CNTNAP5: variants seen among roughly 807,000 people sequenced by gnomAD.
CNTNAP5 encodes contactin associated protein family member 5.
A neutral mutation model predicts 150.2 loss-of-function variants in CNTNAP5; 72 were observed. The ratio of observed to expected loss-of-function variants is 0.48; its 90% CI spans 0.40 to 0.58. The LOEUF (loss-of-function observed/expected upper bound fraction) is 0.58. CNTNAP5 is among the 20% of genes least tolerant of loss of function. The pLI, the probability that CNTNAP5 is intolerant of heterozygous loss-of-function variation, is 0.00. For synonymous variants in CNTNAP5, 672 were observed against 619.8 expected (o/e 1.08, Z -1.25); for missense variants, 1,636 against 1,626.2 (o/e 1.01, Z -0.10).
intron 3 of CNTNAP5, among the ~76,000 whole-genome samples, chr2:124,410,893 A>G (rs1423677834): frequency 4.0e-5 from 6 of 151,784 alleles, no homozygotes; most frequent in African/African-American, 7.3e-5. Flanking sequence ...GCAGAACTGA[A>G]GGAAATAGAG....
intron 1 of CNTNAP5, among the ~76,000 whole-genome samples, chr2:124,203,375 A>T (rs939374200): frequency 6.6e-6 from 1 of 151,980 alleles, no homozygotes; most frequent in Non-Finnish European, 1.5e-5. Context: ...AGTGTTTGTG[A>T]CTTTTCTGGG....
At chr2:124,467,930 T>C (rs1406337176) in intron 6 of CNTNAP5, among the ~76,000 whole-genome samples, 1 of 152,168 alleles carries the variant, frequency 6.6e-6, no homozygotes, top group Non-Finnish European at 1.5e-5. Context: ...TAAAAAGTAG[T>C]ACATTATTGG....
chr2:124,387,430 C>T (rs1046735735), intron 3 of CNTNAP5, among the ~76,000 whole-genome samples: 1 of 152,188 alleles, frequency 6.6e-6, no homozygotes, highest in African/African-American at 2.4e-5. Flanking sequence ...TTTATTTCAC[C>T]TGGGTGTAGG....
chr2:124,091,248 G>A (rs1488748573), intron 1 of CNTNAP5, among the ~76,000 whole-genome samples: 3 of 152,142 alleles, frequency 2.0e-5, no homozygotes, highest in East Asian at 3.9e-4. Flanking sequence ...ATAAAAGTGT[G>A]GTTTCAGTAA....
chr2:124,255,310 G>T (rs959051540), intron 3 of CNTNAP5, among the ~76,000 whole-genome samples: 4 of 152,000 alleles, frequency 2.6e-5, no homozygotes, highest in Non-Finnish European at 4.4e-5. Flanking sequence ...GGATCACAAG[G>T]TCAGGAAATC....
chr2:124,500,329 C>T (rs562412114), intron 7 of CNTNAP5, among the ~76,000 whole-genome samples: 20 of 152,120 alleles, frequency 1.3e-4, no homozygotes, highest in Middle Eastern at 3.4e-3. Flanking sequence ...GAGAAGATAA[C>T]GGGGGCTACT....
intron 19 of CNTNAP5, among the ~76,000 whole-genome samples, chr2:124,857,702 C>T (rs889124676): frequency 2.0e-5 from 3 of 151,832 alleles, no homozygotes; most frequent in Non-Finnish European, 2.9e-5. Context: ...TAGCTGGGCA[C>T]GGTGGCAAGC....
intron 19 of CNTNAP5, among the ~76,000 whole-genome samples, chr2:124,827,273 C>T (rs569270744): frequency 2.0e-5 from 3 of 152,196 alleles, no homozygotes; most frequent in South Asian, 4.2e-4. Context: ...AGCAAGCTTC[C>T]CCACCACATC....
intron 3 of CNTNAP5, among the ~76,000 whole-genome samples, chr2:124,368,029 A>G (rs1163165810): frequency 6.6e-6 from 1 of 152,196 alleles, no homozygotes; most frequent in Non-Finnish European, 1.5e-5. Context: ...TAATTCAGTT[A>G]TATGGAACTA....
intron 21 of CNTNAP5, among the ~76,000 whole-genome samples, chr2:124,873,833 A>G (rs1677799927): frequency 6.6e-6 from 1 of 152,202 alleles, no homozygotes; most frequent in East Asian, 1.9e-4. Flanking sequence ...ATATGAAAAG[A>G]AAACATACGT....
chr2:124,498,640 G>T (rs1694205626), intron 7 of CNTNAP5, among the ~76,000 whole-genome samples: 1 of 152,058 alleles, frequency 6.6e-6, no homozygotes, highest in South Asian at 2.1e-4. Flanking sequence ...ATCATCTTTT[G>T]CTCACTTACT....
chr2:124,350,940 C>T (rs1242528696), intron 3 of CNTNAP5, among the ~76,000 whole-genome samples: 4 of 151,962 alleles, frequency 2.6e-5, no homozygotes, highest in African/African-American at 9.7e-5. Context: ...CTCAAAGAGG[C>T]TCCTGCCCTG....
chr2:124,658,392 A>G (rs559813874), intron 13 of CNTNAP5, among the ~76,000 whole-genome samples: 64 of 152,092 alleles, frequency 4.2e-4, no homozygotes, highest in African/African-American at 1.4e-3. Context: ...CTGGCACTCC[A>G]TGTCTCTATA....
intron 11 of CNTNAP5, among the ~76,000 whole-genome samples, chr2:124,601,522 C>A (rs1265318176): frequency 6.6e-6 from 1 of 152,076 alleles, no homozygotes; most frequent in African/African-American, 2.4e-5. Flanking sequence ...ACAAAACACA[C>A]AACAATTAAA....
At chr2:124,156,606 C>T (rs981567848) in intron 1 of CNTNAP5, among the ~76,000 whole-genome samples, 3 of 152,198 alleles carry the variant, frequency 2.0e-5, no homozygotes, top group Admixed American at 1.3e-4. Context: ...CGCGATTCTC[C>T]TGTCTCAGCC....
intron 3 of CNTNAP5, among the ~76,000 whole-genome samples, chr2:124,245,776 C>G (rs1301333019): frequency 1.3e-5 from 2 of 151,850 alleles, no homozygotes; most frequent in African/African-American, 4.8e-5. Context: ...GTCACTCAGG[C>G]TGGAGTGCGG....
chr2:124,276,650 G>A (rs977329168), intron 3 of CNTNAP5, among the ~76,000 whole-genome samples: 2 of 152,132 alleles, frequency 1.3e-5, no homozygotes, highest in African/African-American at 4.8e-5. Context: ...AGCTAAACAT[G>A]TGACAGGGCC....
intron 3 of CNTNAP5, among the ~76,000 whole-genome samples, chr2:124,281,475 A>G (rs1276912652): frequency 6.6e-6 from 1 of 152,208 alleles, no homozygotes; most frequent in East Asian, 1.9e-4. Context: ...TCAAAGTAGA[A>G]AACATAGACT....
At chr2:124,650,292 G>A (rs547372704) in intron 13 of CNTNAP5, among the ~76,000 whole-genome samples, 1 of 152,284 alleles carries the variant, frequency 6.6e-6, no homozygotes, top group African/African-American at 2.4e-5. Context: ...ACTAGACACT[G>A]CTTGTGGGGC....
Sources: gnomAD v4.1 joint callset for allele counts (sites outside exome capture counted in the v4.1 genomes callset) on GRCh38, gnomAD v4.1.1 for gene constraint, MANE v1.5 for transcripts, NCBI Gene and HGNC (gene_info 2026-07-23, HGNC 2026-07-21) for gene names.